Variants in CMTM8 observed in about 807,000 individuals in gnomAD.
The protein encoded by CMTM8 is CKLF-like MARVEL transmembrane domain-containing protein 8.
CMTM8 carries 12 observed loss-of-function variants against 18.6 expected under a neutral mutation model. The ratio of observed to expected loss-of-function variants is 0.65; its 90% CI spans 0.41 to 1.05. The LOEUF (loss-of-function observed/expected upper bound fraction) is 1.05. CMTM8 is among the 50% of genes least tolerant of loss of function. The pLI, the probability that CMTM8 is intolerant of heterozygous loss-of-function variation, is 0.00. For synonymous variants in CMTM8, 87 were observed against 90.6 expected (o/e 0.96, Z 0.23); for missense variants, 217 against 227.2 (o/e 0.95, Z 0.29).
intron 1 of CMTM8, among the ~76,000 whole-genome samples, chr3:32,316,568 C>T (rs1037907989): frequency 2.0e-5 from 3 of 152,134 alleles, no homozygotes; most frequent in Admixed American, 6.6e-5. Context: ...TGTGGCTAAA[C>T]GTATAGAGCC....
intron 1 of CMTM8, among the ~76,000 whole-genome samples, chr3:32,289,074 C>T (rs926629345): frequency 1.3e-5 from 2 of 152,106 alleles, no homozygotes; most frequent in Admixed American, 6.5e-5. Flanking sequence ...GAGCAAAGCA[C>T]GTTATAAGGC....
At chr3:32,360,522 G>A (rs150377955) in intron 2 of CMTM8, among the ~76,000 whole-genome samples, 16 of 152,320 alleles carry the variant, frequency 1.1e-4, no homozygotes, top group African/African-American at 3.6e-4. Context: ...AAAAGTTTCC[G>A]TCTGTTAACA....
At chr3:32,352,304 G>A (rs1469247130) in intron 1 of CMTM8, among the ~76,000 whole-genome samples, 3 of 151,612 alleles carry the variant, frequency 2.0e-5, no homozygotes, top group South Asian at 2.1e-4. Context: ...TACTGTCCTC[G>A]ACACTGATGA....
chr3:32,322,733 C>T (rs1442976736), intron 1 of CMTM8, among the ~76,000 whole-genome samples: 1 of 152,210 alleles, frequency 6.6e-6, no homozygotes, highest in African/African-American at 2.4e-5. Context: ...ATAGTACTCC[C>T]TGGGAAATTA....
At chr3:32,267,500 A>G (rs1345066792) in intron 1 of CMTM8, among the ~76,000 whole-genome samples, 1 of 152,216 alleles carries the variant, frequency 6.6e-6, no homozygotes, top group East Asian at 1.9e-4. Flanking sequence ...TAAAAACCCT[A>G]GAAGAAAACC....
intron 1 of CMTM8, among the ~76,000 whole-genome samples, chr3:32,271,930 T>G (rs918876512): frequency 6.6e-6 from 1 of 152,234 alleles, no homozygotes; most frequent in African/African-American, 2.4e-5. Flanking sequence ...ACCTACAAAT[T>G]AGGCATTCTA....
chr3:32,316,172 C>T (rs1016631628), intron 1 of CMTM8, among the ~76,000 whole-genome samples: 6 of 151,814 alleles, frequency 4.0e-5, no homozygotes, highest in Admixed American at 1.3e-4. Flanking sequence ...GGACTACAGG[C>T]GCCCGCCACC....
chr3:32,294,613 C>T (rs570715796), intron 1 of CMTM8, among the ~76,000 whole-genome samples: 115 of 152,312 alleles, frequency 7.6e-4, no homozygotes, highest in African/African-American at 2.6e-3. Context: ...TGATACTTCT[C>T]TAGGAGAAGC....
Position 32,369,957 on chromosome 3 carries a change from C to G in CMTM8, c.512C>G (p.Thr171Ser), listed in dbSNP as rs544796106. ...YFSFIAWRSRTIQ is the reference protein window; with the variant it reads ...YFSFIAWRSRSIQ ...AGTTTTATAGCATGGAGATCCAGGA[C>G]CATACAGTGATTTACCATTTTGATA... Residue 171 changes from threonine to serine, a missense_variant, in exon 4 of 4, where the codon ACC becomes AGC. Physicochemically the swap from Thr to Ser is moderately conservative, Grantham distance 58 (BLOSUM62 1). Transcript: ENST00000307526. The G allele has an allele frequency of 4.7e-5, 75 of 1,584,348 alleles. No homozygotes were observed. In the South Asian group the frequency reaches 8.4e-4, roughly 18 times the overall value.
In CMTM8 at chr3:32,302,940, T is replaced by C. The variant is rs150909365; in HGVS notation, c.148-54433T>C. The stretch of plus-strand genomic sequence containing the variant: ...ACTTTGTTGTCTTTGGAGAGAGACC[T>C]GGTCTCACACTTAAATACCCAGGTG... On this transcript the variant is annotated intron_variant, in intron 1 of 3. Coordinates refer to ENST00000307526, the MANE Select transcript of CMTM8 (RefSeq NM_178868.5). 6.9e-3 allele frequency among the ~76,000 whole-genome samples: 1,049 copies of C among 152,300 alleles called. 12 individuals carry two copies. Among genetic ancestry groups the C allele is most frequent in the African/African-American group, 0.024 (997 of 41,552 alleles).
intron 1 of CMTM8, among the ~76,000 whole-genome samples, chr3:32,300,972 A>T (rs1457339162): frequency 6.7e-6 from 1 of 149,402 alleles, no homozygotes; most frequent in African/African-American, 2.4e-5. Flanking sequence ...AAAAAAAAAA[A>T]AAATCTTTTA....
At chr3:32,367,824 T>G in intron 2 of CMTM8, 48 bp from the exon 3 acceptor site, 1 of 1,317,090 alleles carries the variant, frequency 7.6e-7, no homozygotes, top group Non-Finnish European at 1.1e-6. Context: ...TCCAGAGGTA[T>G]GCAGACCCTC....
At position 32,280,371 on chromosome 3, in the gene CMTM8, G is replaced by A. The variant is rs566967403; in HGVS notation, c.147+41252G>A. Among the ~76,000 whole-genome samples the A allele has an allele frequency of 4.6e-5, 7 of 152,192 alleles. No individual in the cohort carries two copies. In the East Asian group the frequency reaches 1.4e-3, roughly 29 times the overall value. ...ATGGAAAATGGAAAGTACTCTGATT[G>A]GTCCCCTTCTGCAACCAATCAGACT... On this transcript the variant is annotated intron_variant, in intron 1 of 3. Coordinates refer to ENST00000307526, the MANE Select transcript of CMTM8 (RefSeq NM_178868.5).
intron 1 of CMTM8, among the ~76,000 whole-genome samples, chr3:32,335,733 G>A (rs1163111742): frequency 6.6e-6 from 1 of 152,084 alleles, no homozygotes; most frequent in Non-Finnish European, 1.5e-5. Context: ...TTTGAAAGAA[G>A]GTCTGATAAC....
chr3:32,301,286 T>C (rs1695611163), intron 1 of CMTM8, among the ~76,000 whole-genome samples: 1 of 152,092 alleles, frequency 6.6e-6, no homozygotes, highest in South Asian at 2.1e-4. Flanking sequence ...GACAAACTCA[T>C]CAAGTTACAG....
intron 1 of CMTM8, among the ~76,000 whole-genome samples, chr3:32,297,780 CAG>C (rs1389496189): frequency 6.6e-6 from 1 of 151,926 alleles, no homozygotes. Context: ...TTCTTAAACT[CAG>C]GGGGATTTGG....
intron 1 of CMTM8, among the ~76,000 whole-genome samples, chr3:32,250,411 T>A (rs1032163857): frequency 5.9e-5 from 9 of 152,220 alleles, no homozygotes; most frequent in Non-Finnish European, 1.5e-5. Context: ...CAAAACAAAC[T>A]ACCAAAAACC....
chr3:32,249,521 G>T (rs1485244335), intron 1 of CMTM8, among the ~76,000 whole-genome samples: 8 of 151,844 alleles, frequency 5.3e-5, no homozygotes, highest in African/African-American at 1.9e-4. Context: ...CAACATGAGA[G>T]TTCTAATTCT....
intron 1 of CMTM8, among the ~76,000 whole-genome samples, chr3:32,332,522 A>G (rs532684658): frequency 2.4e-4 from 37 of 152,142 alleles, no homozygotes; most frequent in African/African-American, 7.2e-4. Context: ...GGGAAAGGAG[A>G]TCTGGCCTGT....
Sources: gnomAD v4.1 joint callset for allele counts (sites outside exome capture counted in the v4.1 genomes callset) on GRCh38, gnomAD v4.1.1 for gene constraint, MANE v1.5 for transcripts, NCBI Gene and HGNC (gene_info 2026-07-23, HGNC 2026-07-21) for gene names.